Variants in PRP4K observed in about 807,000 individuals in gnomAD.
PRP4K encodes pre-mRNA processing factor kinase PRP4K, also known as serine/threonine-protein kinase PRP4 homolog.
the PRP4K span, chr6:4,060,798 T>G: frequency 3.1e-6 from 2 of 647,326 alleles, no homozygotes; most frequent in South Asian, 2.1e-5. This position sits in a 1 kb window ranked among gnomAD's most constrained non-coding sequence, Gnocchi z 4.7. Flanking sequence ...GTTTTGTGTC[T>G]TACGTGAAAT....
At chr6:4,035,181 A>G in the PRP4K span, among the ~76,000 whole-genome samples, 2 of 139,864 alleles carry the variant, frequency 1.4e-5, no homozygotes, top group East Asian at 2.3e-4. Flanking sequence ...CAGTGGTGTG[A>G]TCTTGGCTCA....
the PRP4K span, among the ~76,000 whole-genome samples, chr6:4,043,496 TTAA>T: frequency 6.6e-6 from 1 of 152,144 alleles, no homozygotes; most frequent in South Asian, 2.1e-4. Context: ...ATCAAACACG[TTAA>T]TATTTCTACA....
At chr6:4,037,033 A>T in the PRP4K span, among the ~76,000 whole-genome samples, 1 of 151,330 alleles carries the variant, frequency 6.6e-6, no homozygotes, top group African/African-American at 2.4e-5. Flanking sequence ...AAATGTCAGG[A>T]TGTAGAAAGA....
chr6:4,037,283 A>G, the PRP4K span: 5 of 1,008,796 alleles, frequency 5.0e-6, no homozygotes, highest in Non-Finnish European at 6.9e-6. Flanking sequence ...CACATTAATC[A>G]AAGTTCACTT....
At chr6:4,061,864 T>G in the PRP4K span, 9 of 152,752 alleles carry the variant, frequency 5.9e-5, no homozygotes, top group African/African-American at 2.2e-4. Context: ...CTGTATGTTC[T>G]CAGTATGCAT....
chr6:4,030,667 A>G, the PRP4K span, among the ~76,000 whole-genome samples: 5 of 152,248 alleles, frequency 3.3e-5, no homozygotes, highest in African/African-American at 1.2e-4. Context: ...TTTCCATAGC[A>G]TCTGTTAATG....
chr6:4,052,930 T>C, the PRP4K span: 15 of 1,449,146 alleles, frequency 1.0e-5, no homozygotes, highest in African/African-American at 1.4e-5. Flanking sequence ...CACTTCTTAC[T>C]AGCAGTAATA....
chr6:4,027,709 T>C, the PRP4K span, among the ~76,000 whole-genome samples: 1 of 151,874 alleles, frequency 6.6e-6, no homozygotes, highest in Non-Finnish European at 1.5e-5. Flanking sequence ...TATTGTTTTC[T>C]CCGTCATGTA....
chr6:4,042,089 T>A, the PRP4K span, among the ~76,000 whole-genome samples: 7 of 152,372 alleles, frequency 4.6e-5, no homozygotes, highest in Non-Finnish European at 8.8e-5. Context: ...TATAGCTTTC[T>A]TGAGCTTTCA....
At chr6:4,027,362 A>AT in the PRP4K span, among the ~76,000 whole-genome samples, 1 of 151,954 alleles carries the variant, frequency 6.6e-6, no homozygotes, top group African/African-American at 2.4e-5. Context: ...CTATTACCCC[A>AT]TTTTTTACAG....
chr6:4,058,788 A>G, the PRP4K span: 36 of 1,612,180 alleles, frequency 2.2e-5, no homozygotes, highest in Non-Finnish European at 2.9e-5. Context: ...CTTCATGTAC[A>G]TAGAAGTTGA....
At chr6:4,032,829 C>T in the PRP4K span, 1 of 1,395,694 alleles carries the variant, frequency 7.2e-7, no homozygotes, top group East Asian at 2.5e-5. Flanking sequence ...AACTTGTGGA[C>T]CATTAAAAAT....
At chr6:4,034,817 A>T in the PRP4K span, among the ~76,000 whole-genome samples, 1 of 151,272 alleles carries the variant, frequency 6.6e-6, no homozygotes. Context: ...GGTTCAAGCG[A>T]TTCTCCTGCC....
At chr6:4,046,109 A>G in the PRP4K span, among the ~76,000 whole-genome samples, 1 of 152,308 alleles carries the variant, frequency 6.6e-6, no homozygotes, top group South Asian at 2.1e-4. Flanking sequence ...GTTGTGCATT[A>G]AGTCATTCTT....
the PRP4K span, chr6:4,032,587 C>T: frequency 6.2e-7 from 1 of 1,613,836 alleles, no homozygotes; most frequent in Non-Finnish European, 8.5e-7. Context: ...AGTTTGTCTC[C>T]AAAACCACGT....
chr6:4,028,513 G>GT, the PRP4K span, among the ~76,000 whole-genome samples: 3 of 152,164 alleles, frequency 2.0e-5, no homozygotes, highest in East Asian at 3.9e-4. Context: ...GCCTGGTGGT[G>GT]TTTTTATAAT....
chr6:4,034,535 C>A, the PRP4K span, among the ~76,000 whole-genome samples: 2 of 152,148 alleles, frequency 1.3e-5, no homozygotes, highest in African/African-American at 4.8e-5. Context: ...ATGTGAACTG[C>A]CCCTTTTCCT....
chr6:4,053,533 C>G, the PRP4K span, among the ~76,000 whole-genome samples: 1 of 144,838 alleles, frequency 6.9e-6, no homozygotes, highest in African/African-American at 2.6e-5. Context: ...CCTTAATTCT[C>G]TTCGACTAGT....
the PRP4K span, among the ~76,000 whole-genome samples, chr6:4,029,265 T>C: frequency 1.3e-5 from 2 of 151,960 alleles, no homozygotes; most frequent in African/African-American, 4.8e-5. Context: ...TTTGTCACCT[T>C]CTTTCTCTAT....
Sources: gnomAD v4.1 joint callset for allele counts (sites outside exome capture counted in the v4.1 genomes callset) on GRCh38, gnomAD v4.1.1 for gene constraint, Gnocchi (gnomAD v3.1) non-coding constraint, MANE v1.5 for transcripts, NCBI Gene and HGNC (gene_info 2026-07-23, HGNC 2026-07-21) for gene names.